The following FSD1L variants were observed in gnomAD, a reference collection of about 807,000 sequenced individuals.
FSD1L encodes the protein fibronectin type III and SPRY domain containing 1 like.
A neutral mutation model predicts 71.6 loss-of-function variants in FSD1L; 45 were observed. The ratio of observed to expected loss-of-function variants is 0.63; its 90% CI spans 0.49 to 0.81. FSD1L has a LOEUF of 0.81. FSD1L is among the 30% of genes least tolerant of loss of function. The pLI is 0.00. For synonymous variants in FSD1L, 197 were observed against 207.2 expected (o/e 0.95, Z 0.42); for missense variants, 561 against 618.1 (o/e 0.91, Z 0.98).
At chr9:105,479,292 A>T (rs972404038) in intron 5 of FSD1L, 62 bp from the exon 6 acceptor site, 20 of 1,482,134 alleles carry the variant, frequency 1.3e-5, no homozygotes, top group Non-Finnish European at 1.7e-5. Flanking sequence ...TGTCACTGCC[A>T]TTGAAACTTG....
intron 10 of FSD1L, among the ~76,000 whole-genome samples, chr9:105,528,968 G>GATAT: frequency 6.6e-6 from 1 of 152,160 alleles, no homozygotes; most frequent in East Asian, 1.9e-4. Context: ...GTGGGCAAAG[G>GATAT]ATATGAACAG....
At chr9:105,508,772 C>T (rs1028104398) in intron 9 of FSD1L, 57 bp downstream of exon 9, 3 of 1,049,704 alleles carry the variant, frequency 2.9e-6, no homozygotes, top group Non-Finnish European at 4.2e-6. Flanking sequence ...TGAAGTTATT[C>T]ATAACTTTGT....
In FSD1L at chr9:105,468,179, T is replaced by C. The variant is rs1484655500; in HGVS notation, c.208-14T>C. 1.5e-6 allele frequency: 2 copies of C among 1,371,040 alleles called. No individual in the cohort carries two copies. Among genetic ancestry groups the C allele is most frequent in the Non-Finnish European group, 1.9e-6 (2 of 1,059,938 alleles). 84.9% of individuals were successfully genotyped at this position (1,371,040 alleles called of 1,614,324 possible). A position where few individuals can be genotyped will look rare whatever the true frequency, so the allele number is the denominator to read the frequency against. Reference sequence around the variant, plus strand: ...GCGCTTCAGTAAAATTGTTTTGTTTTGTTTTTTAAACAGGAAAATTCGTCC... The same window carrying C: ...GCGCTTCAGTAAAATTGTTTTGTTTCGTTTTTTAAACAGGAAAATTCGTCC... On this transcript the variant is annotated splice_polypyrimidine_tract_variant and intron_variant, in intron 3 of 13. Coordinates refer to ENST00000481272, the MANE Select transcript of FSD1L (RefSeq NM_001145313.3).
At chr9:105,467,793 T>G (rs1831174310) in intron 3 of FSD1L, among the ~76,000 whole-genome samples, 1 of 152,168 alleles carries the variant, frequency 6.6e-6, no homozygotes, top group African/African-American at 2.4e-5. Context: ...TCTGGAATAT[T>G]TTATAAGAAT....
At chr9:105,496,326 C>T (rs1833403206) in intron 7 of FSD1L, among the ~76,000 whole-genome samples, 1 of 148,744 alleles carries the variant, frequency 6.7e-6, no homozygotes. Flanking sequence ...TGACTAGTTT[C>T]AGTCTTCCAA....
chr9:105,535,381 G>C, intron 12 of FSD1L, 63 bp downstream of exon 12: 1 of 1,486,992 alleles, frequency 6.7e-7, no homozygotes, highest in Non-Finnish European at 9.1e-7. Context: ...CCTTTCACTG[G>C]TAATCATCTA....
At chr9:105,476,027 A>G (rs767948490) in intron 5 of FSD1L, among the ~76,000 whole-genome samples, 5 of 152,226 alleles carry the variant, frequency 3.3e-5, no homozygotes, top group African/African-American at 7.2e-5. Flanking sequence ...GATAGAAACA[A>G]TAAGATACTT....
At chr9:105,506,832 C>T (rs1302807565) in intron 8 of FSD1L, among the ~76,000 whole-genome samples, 1 of 150,808 alleles carries the variant, frequency 6.6e-6, no homozygotes. Flanking sequence ...AGTGCAGTGG[C>T]GGGACCTTGG....
chr9:105,480,168 T>C (rs1321935209), intron 6 of FSD1L, among the ~76,000 whole-genome samples: 1 of 152,224 alleles, frequency 6.6e-6, no homozygotes, highest in African/African-American at 2.4e-5. Flanking sequence ...CTCTTCAAAG[T>C]GCCACTCCAA....
chr9:105,489,526 C>T (rs1322828779), intron 7 of FSD1L, among the ~76,000 whole-genome samples: 1 of 151,892 alleles, frequency 6.6e-6, no homozygotes, highest in Non-Finnish European at 1.5e-5. Flanking sequence ...TATTATACTT[C>T]TAAGTTTTAG....
chr9:105,508,156 G>T (rs187485928), intron 8 of FSD1L, among the ~76,000 whole-genome samples: 1 of 147,696 alleles, frequency 6.8e-6, no homozygotes, highest in Non-Finnish European at 1.5e-5. Context: ...GAGCCACTGC[G>T]CCCGACCACA....
chr9:105,481,893 C>T (rs1168350755), intron 6 of FSD1L, among the ~76,000 whole-genome samples: 1 of 151,926 alleles, frequency 6.6e-6, no homozygotes, highest in Non-Finnish European at 1.5e-5. Context: ...CCACCTCTGC[C>T]GCCTGAGCAG....
In FSD1L at chr9:105,546,351, T is replaced by A; in HGVS notation, c.1468-7T>A. ...GCAATCTGACAGGTTTTTTTGTCTT[T>A]TCTTAGGTATGGTGTGGTGGACTTT... is the stretch of plus-strand genomic sequence containing the variant. On this transcript the variant is annotated splice_region_variant and splice_polypyrimidine_tract_variant and intron_variant, in intron 13 of 13. Transcript: ENST00000481272. The A allele has an allele frequency of 1.3e-6, 2 of 1,515,156 alleles. No individual in the cohort carries two copies. Among genetic ancestry groups the A allele is most frequent in the Non-Finnish European group, 1.8e-6 (2 of 1,135,738 alleles). The allele number at this position is 1,515,156 out of a possible 1,614,324, so 93.9% of individuals were successfully genotyped here.
intron 5 of FSD1L, 32 bp downstream of exon 5, chr9:105,472,037 A>C (rs775021921): frequency 7.1e-7 from 1 of 1,411,978 alleles, no homozygotes; most frequent in Non-Finnish European, 9.3e-7. Flanking sequence ...ACACTTAACA[A>C]GGGAAGTTGT....
chr9:105,491,757 CAT>C (rs1412909473), intron 7 of FSD1L, among the ~76,000 whole-genome samples: 9 of 152,078 alleles, frequency 5.9e-5, no homozygotes, highest in Non-Finnish European at 1.0e-4. Flanking sequence ...TTGAGATAAT[CAT>C]GTGGTTTTTG....
At chr9:105,448,590 C>T (rs75844583) in intron 1 of FSD1L, among the ~76,000 whole-genome samples, 1,906 of 150,546 alleles carry the variant, frequency 0.013, 39 homozygotes, top group African/African-American at 0.045. Flanking sequence ...GGGTGTATCC[C>T]TCCTCAGCAG....
chr9:105,522,671 T>G, intron 10 of FSD1L: 2 of 1,612,378 alleles, frequency 1.2e-6, no homozygotes, highest in Non-Finnish European at 1.7e-6. Flanking sequence ...AACCATTCAC[T>G]GTTGAACGAG....
At chr9:105,530,093 G>A (rs1464898028) in intron 10 of FSD1L, among the ~76,000 whole-genome samples, 2 of 152,206 alleles carry the variant, frequency 1.3e-5, no homozygotes, top group South Asian at 2.1e-4. Context: ...GTCATGCTAA[G>A]TCGTTTGTAA....
chr9:105,462,520 A>AAT (rs1554698796), intron 2 of FSD1L, among the ~76,000 whole-genome samples: 6 of 104,266 alleles, frequency 5.8e-5, no homozygotes, highest in Middle Eastern at 7.5e-3. Context: ...TGTGACTGAC[A>AAT]TTTTTTTTTT....
Sources: allele counts gnomAD v4.1 joint callset (sites outside exome capture counted in the v4.1 genomes callset), GRCh38; gene constraint gnomAD v4.1.1; transcripts MANE v1.5; gene names NCBI Gene and HGNC (gene_info 2026-07-23, HGNC 2026-07-21).